The following CORO2B variants were observed in gnomAD, a reference collection of about 807,000 sequenced individuals.
The protein encoded by CORO2B is coronin-2B.
CORO2B carries 26 observed loss-of-function variants against 58.8 expected under a neutral mutation model. The ratio of observed to expected loss-of-function variants is 0.44; its 90% CI spans 0.32 to 0.61. CORO2B has a LOEUF of 0.61. Among genes scored for constraint, CORO2B ranks in the 20% least tolerant of loss-of-function variants. The pLI, the probability that CORO2B is intolerant of heterozygous loss-of-function variation, is 0.04. For synonymous variants in CORO2B, 242 were observed against 253.8 expected (o/e 0.95, Z 0.44); for missense variants, 460 against 645.1 (o/e 0.71, Z 3.11).
At chr15:68,704,697 G>C (rs557966140) in intron 3 of CORO2B, among the ~76,000 whole-genome samples, 1 of 152,072 alleles carries the variant, frequency 6.6e-6, no homozygotes, top group Non-Finnish European at 1.5e-5. Flanking sequence ...CCGTTCCCCC[G>C]TATCTAATCT....
the CORO2B span, among the ~76,000 whole-genome samples, chr15:68,545,619 G>GC: frequency 6.8e-6 from 1 of 147,034 alleles, no homozygotes; most frequent in African/African-American, 2.6e-5. Flanking sequence ...GGGCGGGGGG[G>GC]GTAATACTGG....
chr15:68,725,904 A>C lies in CORO2B; in HGVS notation c.1373A>C (p.Gln458Pro). 1 of 1,614,104 alleles carries C rather than the reference A, an allele frequency of 6.2e-7. No homozygotes were observed. The highest frequency in any genetic ancestry group is 8.5e-7 in the Non-Finnish European group (1 of 1,180,014). ...CGACGGTTGAAAGAGGAGCTGGCCCAGAAGGACATCCGCATTCGGCAGCTC... is the reference window on the plus strand; with the variant it reads ...CGACGGTTGAAAGAGGAGCTGGCCCCGAAGGACATCCGCATTCGGCAGCTC... The part of the protein sequence containing the change: ...EIRRLKEELA[Q>P]KDIRIRQLQL... Residue 458 changes from glutamine (Q) to proline (P), a missense_variant, in exon 12 of 12, where the codon CAG becomes CCG. Physicochemically the swap from Gln to Pro is moderately conservative, Grantham distance 76 (BLOSUM62 -1). Coordinates refer to ENST00000261861, the MANE Select transcript of CORO2B (RefSeq NM_006091.5).
At chr15:68,609,396 A>AT (rs931727773) in intron 1 of CORO2B, among the ~76,000 whole-genome samples, 2 of 152,146 alleles carry the variant, frequency 1.3e-5, no homozygotes, top group African/African-American at 4.8e-5. Context: ...CAGGGCCTGT[A>AT]TTTAAGAAGA....
chr15:68,530,095 C>T, the CORO2B span, among the ~76,000 whole-genome samples: 19 of 152,080 alleles, frequency 1.2e-4, no homozygotes, highest in South Asian at 2.1e-4. Flanking sequence ...GAGGCCGAGG[C>T]GGGTGGATCA....
intron 1 of CORO2B, among the ~76,000 whole-genome samples, chr15:68,621,611 C>T (rs1032228920): frequency 2.0e-5 from 3 of 152,080 alleles, no homozygotes; most frequent in Non-Finnish European, 4.4e-5. Flanking sequence ...TTACCAGAGC[C>T]TTGTGAGAAG....
the CORO2B span, among the ~76,000 whole-genome samples, chr15:68,548,103 G>A: frequency 8.6e-5 from 13 of 152,018 alleles, no homozygotes; most frequent in South Asian, 4.1e-4. Flanking sequence ...CCTAGGAGGC[G>A]GAGGCTGCAG....
intron 1 of CORO2B, 100 bp downstream of exon 1, chr15:68,579,377 C>A: frequency 8.9e-7 from 1 of 1,123,726 alleles, no homozygotes; most frequent in Non-Finnish European, 1.1e-6. Context: ...GGAGGGGGCG[C>A]CGGTGCCGGG....
chr15:68,613,881 C>T (rs955188846), intron 1 of CORO2B, among the ~76,000 whole-genome samples: 2 of 152,326 alleles, frequency 1.3e-5, no homozygotes, highest in Admixed American at 6.5e-5. Context: ...CCAACTGCTG[C>T]TATTTTTGCT....
chr15:68,551,395 T>C, the CORO2B span, among the ~76,000 whole-genome samples: 1 of 152,142 alleles, frequency 6.6e-6, no homozygotes, highest in Admixed American at 6.5e-5. Flanking sequence ...CATCTCACCT[T>C]TGAGAGCCTT....
At chr15:68,598,844 G>A (rs1000010858) in intron 1 of CORO2B, among the ~76,000 whole-genome samples, 1 of 152,206 alleles carries the variant, frequency 6.6e-6, no homozygotes, top group Admixed American at 6.5e-5. Flanking sequence ...GCCTGGAAGA[G>A]TGACTCTGCT....
At chr15:68,704,722 G>A (rs1892741715) in intron 3 of CORO2B, among the ~76,000 whole-genome samples, 1 of 152,164 alleles carries the variant, frequency 6.6e-6, no homozygotes, top group Admixed American at 6.5e-5. Flanking sequence ...GGCACACAGA[G>A]GGGAGCTGGG....
At chr15:68,581,211 C>G (rs1052746254) in intron 1 of CORO2B, among the ~76,000 whole-genome samples, 1 of 152,162 alleles carries the variant, frequency 6.6e-6, no homozygotes, top group African/African-American at 2.4e-5. Flanking sequence ...CACTCCTCCA[C>G]CCCCATACCC....
intron 2 of CORO2B, among the ~76,000 whole-genome samples, chr15:68,687,969 C>T (rs1903041305): frequency 6.6e-6 from 1 of 152,208 alleles, no homozygotes; most frequent in African/African-American, 2.4e-5. Context: ...AAGTTTCCAA[C>T]ACATGAACTC....
At chr15:68,549,981 T>TAAATAAATAAAC in the CORO2B span, among the ~76,000 whole-genome samples, 2 of 151,460 alleles carry the variant, frequency 1.3e-5, no homozygotes, top group Non-Finnish European at 2.9e-5. Context: ...AATAAATAAA[T>TAAATAAATAAAC]AAAGTTGCTG....
At chr15:68,589,457 A>G (rs1171358173) in intron 1 of CORO2B, among the ~76,000 whole-genome samples, 1 of 152,234 alleles carries the variant, frequency 6.6e-6, no homozygotes, top group Non-Finnish European at 1.5e-5. Context: ...CTTGGACAAA[A>G]TCTCTACTGT....
At chr15:68,669,605 A>G (rs1039771530) in intron 2 of CORO2B, among the ~76,000 whole-genome samples, 1 of 152,202 alleles carries the variant, frequency 6.6e-6, no homozygotes, top group African/African-American at 2.4e-5. Context: ...TCAATGGGCA[A>G]TGCTGGCTCT....
the CORO2B span, among the ~76,000 whole-genome samples, chr15:68,529,608 ACTCT>A: frequency 9.2e-5 from 14 of 151,788 alleles, no homozygotes; most frequent in African/African-American, 3.4e-4. Context: ...ACTCATGCTC[ACTCT>A]CTCTTTTTCT....
intron 2 of CORO2B, among the ~76,000 whole-genome samples, chr15:68,650,533 A>G (rs1901609641): frequency 6.6e-6 from 1 of 152,098 alleles, no homozygotes; most frequent in Admixed American, 6.5e-5. Flanking sequence ...AATCGCTTAA[A>G]CCTGGGAGCC....
chr15:68,667,253 C>T (rs1902221798), intron 2 of CORO2B, among the ~76,000 whole-genome samples: 1 of 152,194 alleles, frequency 6.6e-6, no homozygotes, highest in African/African-American at 2.4e-5. Context: ...GCCTGCCCTT[C>T]TTCATGCTCC....
Sources: gnomAD v4.1 joint callset for allele counts (sites outside exome capture counted in the v4.1 genomes callset) on GRCh38, gnomAD v4.1.1 for gene constraint, MANE v1.5 for transcripts, NCBI Gene and HGNC (gene_info 2026-07-23, HGNC 2026-07-21) for gene names.